Variants in NCKAP5 observed in about 807,000 individuals in gnomAD.
NCKAP5 encodes nck-associated protein 5.
Under a neutral mutation model 167.0 loss-of-function variants are expected in NCKAP5, and 92 were observed. The observed-to-expected ratio is 0.55, with a 90% CI of 0.47 to 0.66. The LOEUF is 0.66. Among genes scored for constraint, NCKAP5 ranks in the 30% least tolerant of loss-of-function variants. The pLI is 0.00. For missense variants in NCKAP5, 2,378 were observed against 2,315.0 expected (o/e 1.03, Z -0.56); for synonymous variants, 891 against 877.4 (o/e 1.02, Z -0.27).
chr2:133,192,226 T>C (rs2085257296), intron 5 of NCKAP5, among the ~76,000 whole-genome samples: 1 of 152,028 alleles, frequency 6.6e-6, no homozygotes, highest in African/African-American at 2.4e-5. Context: ...AGTGGAAAAA[T>C]TGGCCATCTA....
At chr2:132,870,283 G>A (rs1292829758) in intron 9 of NCKAP5, among the ~76,000 whole-genome samples, 5 of 152,078 alleles carry the variant, frequency 3.3e-5, no homozygotes, top group African/African-American at 4.8e-5. Context: ...CTATTACCTT[G>A]AAGCTATGTA....
chr2:133,543,113 C>T (rs1335176337), intron 2 of NCKAP5, among the ~76,000 whole-genome samples: 2 of 152,116 alleles, frequency 1.3e-5, no homozygotes, highest in African/African-American at 4.8e-5. Context: ...GTGGATCACT[C>T]ATAAATGGCT....
chr2:133,495,582 T>C (rs1365075858), intron 3 of NCKAP5, among the ~76,000 whole-genome samples: 1 of 152,160 alleles, frequency 6.6e-6, no homozygotes, highest in Non-Finnish European at 1.5e-5. Flanking sequence ...GCAACTACTG[T>C]TTCATGACAG....
At chr2:133,296,771 G>T (rs918688682) in intron 4 of NCKAP5, among the ~76,000 whole-genome samples, 1 of 152,118 alleles carries the variant, frequency 6.6e-6, no homozygotes, top group South Asian at 2.1e-4. Context: ...CCAGACAAGA[G>T]TCCAAGTCCC....
chr2:133,435,476 C>T (rs1464969161), intron 3 of NCKAP5, among the ~76,000 whole-genome samples: 1 of 152,190 alleles, frequency 6.6e-6, no homozygotes, highest in African/African-American at 2.4e-5. Context: ...CGGAGACAGA[C>T]TGGCTCTACC....
chr2:133,103,186 T>C (rs759850270), intron 6 of NCKAP5, among the ~76,000 whole-genome samples: 15 of 152,216 alleles, frequency 9.9e-5, no homozygotes, highest in Admixed American at 4.6e-4. Flanking sequence ...GAATGAATGG[T>C]ATAAGTTATC....
intron 6 of NCKAP5, among the ~76,000 whole-genome samples, chr2:133,007,161 C>G (rs556930658): frequency 6.6e-6 from 1 of 152,160 alleles, no homozygotes; most frequent in Non-Finnish European, 1.5e-5. Context: ...CAACTTAGGA[C>G]AGATCACATT....
chr2:133,591,777 CAGA>C, the NCKAP5 span, among the ~76,000 whole-genome samples: 1 of 152,184 alleles, frequency 6.6e-6, no homozygotes, highest in Non-Finnish European at 1.5e-5. Context: ...TTTTCTTTCA[CAGA>C]AGCAGTCCCA....
the NCKAP5 span, among the ~76,000 whole-genome samples, chr2:133,672,321 C>T: frequency 2.6e-5 from 4 of 152,160 alleles, no homozygotes; most frequent in African/African-American, 9.7e-5. Context: ...ATGCAAGGAC[C>T]AGAACTTCTC....
chr2:133,296,407 G>T (rs181229799), intron 4 of NCKAP5, among the ~76,000 whole-genome samples: 5 of 150,434 alleles, frequency 3.3e-5, no homozygotes, highest in Admixed American at 3.3e-4. Context: ...AGGCTGATTT[G>T]GGTAGTAGTA....
chr2:133,435,188 G>C (rs1165297978), intron 3 of NCKAP5, among the ~76,000 whole-genome samples: 1 of 152,104 alleles, frequency 6.6e-6, no homozygotes, highest in African/African-American at 2.4e-5. Context: ...AATGTTTCAG[G>C]GAGAGATCTT....
chr2:132,789,427 T>C (rs1468941280), intron 13 of NCKAP5, among the ~76,000 whole-genome samples: 1 of 152,202 alleles, frequency 6.6e-6, no homozygotes, highest in Non-Finnish European at 1.5e-5. Flanking sequence ...GAGTTCTTGT[T>C]CAGAGGATGA....
chr2:132,860,519 G>T lies in NCKAP5; in HGVS notation c.780C>A (p.Val260=). Residue 260 remains valine (V), a synonymous_variant, in exon 11 of 20, where the codon GTC becomes GTA. Transcript: ENST00000409261. ...RTLSILFQQR[V]RPTSDLLLQK... is the part of the protein sequence containing the mutation. ...GGAGGAGCAGATCAGAAGTGGGTCT[G>T]ACTCGCTGTTGGAATAGGATGCTTA... 6.3e-7 allele frequency: 1 copy of T among 1,582,694 alleles called. No homozygotes were observed. Among genetic ancestry groups the T allele is most frequent in the East Asian group, 2.3e-5 (1 of 43,946 alleles).
intron 11 of NCKAP5, among the ~76,000 whole-genome samples, chr2:132,853,051 C>T (rs1338140224): frequency 6.6e-6 from 1 of 152,162 alleles, no homozygotes; most frequent in East Asian, 1.9e-4. Flanking sequence ...TATATTCTGG[C>T]TGTCCCATGA....
chr2:133,600,184 G>C, the NCKAP5 span, among the ~76,000 whole-genome samples: 1 of 152,182 alleles, frequency 6.6e-6, no homozygotes, highest in African/African-American at 2.4e-5. Flanking sequence ...AATAACAGAC[G>C]TCACAGAGAC....
intron 7 of NCKAP5, among the ~76,000 whole-genome samples, chr2:132,982,565 T>C (rs2077171971): frequency 6.6e-6 from 1 of 152,230 alleles, no homozygotes; most frequent in Non-Finnish European, 1.5e-5. Flanking sequence ...ATTTATTACC[T>C]AGATATATTG....
chr2:132,924,181 ACATTCTG>A (rs1157024922), intron 8 of NCKAP5, among the ~76,000 whole-genome samples: 2 of 152,302 alleles, frequency 1.3e-5, no homozygotes, highest in East Asian at 3.9e-4. Context: ...TACAGAAGAG[ACATTCTG>A]CGAGTGAAAA....
intron 3 of NCKAP5, among the ~76,000 whole-genome samples, chr2:133,331,870 G>A (rs759666230): frequency 2.0e-5 from 3 of 152,202 alleles, no homozygotes; most frequent in Non-Finnish European, 2.9e-5. Context: ...CTGGTCCTTC[G>A]GTTTGAGGAC....
intron 6 of NCKAP5, among the ~76,000 whole-genome samples, chr2:133,123,984 T>C (rs1258783980): frequency 6.6e-6 from 1 of 152,168 alleles, no homozygotes; most frequent in Non-Finnish European, 1.5e-5. Flanking sequence ...GAACCGATAA[T>C]GTGAACAGCA....
Sources: allele counts gnomAD v4.1 joint callset (sites outside exome capture counted in the v4.1 genomes callset), GRCh38; gene constraint gnomAD v4.1.1; transcripts MANE v1.5; gene names NCBI Gene and HGNC (gene_info 2026-07-23, HGNC 2026-07-21).